Variants in SHISA9 observed in about 807,000 individuals in gnomAD.
SHISA9 encodes shisa family member 9.
Under a neutral mutation model 38.0 loss-of-function variants are expected in SHISA9, and 13 were observed. The ratio of observed to expected loss-of-function variants is 0.34; its 90% confidence interval spans 0.22 to 0.54. The LOEUF is 0.54. Among genes scored for constraint, SHISA9 ranks in the 20% least tolerant of loss-of-function variants. The probability of loss-of-function intolerance (pLI) is 0.91; values close to 1 mark genes in which losing one functional copy is unlikely to be tolerated. For synonymous variants in SHISA9, 275 were observed against 242.0 expected (o/e 1.14, Z -1.27); for missense variants, 538 against 575.8 (o/e 0.93, Z 0.67).
intron 2 of SHISA9, among the ~76,000 whole-genome samples, chr16:13,090,626 C>T (rs1255328623): frequency 6.6e-6 from 1 of 151,152 alleles, no homozygotes; most frequent in Non-Finnish European, 1.5e-5. Context: ...ATTGCAACTC[C>T]TGCTGTTTTT....
chr16:13,338,070 C>G, the SHISA9 span, among the ~76,000 whole-genome samples: 1 of 152,196 alleles, frequency 6.6e-6, no homozygotes, highest in Non-Finnish European at 1.5e-5. Context: ...AGAGGCACCA[C>G]CTTTACTCTG....
intron 3 of SHISA9, among the ~76,000 whole-genome samples, chr16:13,212,565 T>C (rs1170778707): frequency 6.6e-6 from 1 of 152,228 alleles, no homozygotes; most frequent in Non-Finnish European, 1.5e-5. Context: ...AGCAATGTAT[T>C]ACTCATTATG....
the SHISA9 span, among the ~76,000 whole-genome samples, chr16:13,494,155 C>T: frequency 6.6e-6 from 1 of 152,200 alleles, no homozygotes; most frequent in South Asian, 2.1e-4. Flanking sequence ...GCTGATGAGA[C>T]AAGAGCTAGA....
At chr16:13,481,917 A>C in the SHISA9 span, among the ~76,000 whole-genome samples, 2 of 152,254 alleles carry the variant, frequency 1.3e-5, no homozygotes, top group Non-Finnish European at 2.9e-5. Context: ...GAACTCATAC[A>C]TACTTTGATT....
At chr16:13,491,281 G>C in the SHISA9 span, among the ~76,000 whole-genome samples, 1 of 152,110 alleles carries the variant, frequency 6.6e-6, no homozygotes, top group Non-Finnish European at 1.5e-5. Flanking sequence ...TAACGAGGAT[G>C]ACGGTGCCAG....
intron 2 of SHISA9, among the ~76,000 whole-genome samples, chr16:13,001,378 C>CG (rs139285300): frequency 0.028 from 4,293 of 152,220 alleles, 210 homozygotes; most frequent in African/African-American, 0.098. Flanking sequence ...GACTAAGGAT[C>CG]GGGGGGCCTT....
the SHISA9 span, among the ~76,000 whole-genome samples, chr16:13,282,657 A>G: frequency 6.6e-6 from 1 of 151,968 alleles, no homozygotes; most frequent in Non-Finnish European, 1.5e-5. Flanking sequence ...GTCCCACAGG[A>G]TCCTAGGACT....
the SHISA9 span, among the ~76,000 whole-genome samples, chr16:13,440,379 A>G: frequency 1.3e-5 from 2 of 152,048 alleles, no homozygotes; most frequent in African/African-American, 2.4e-5. Context: ...GATTCCATCT[A>G]TTTGGTTTGC....
At chr16:13,378,653 T>C in the SHISA9 span, among the ~76,000 whole-genome samples, 1 of 152,216 alleles carries the variant, frequency 6.6e-6, no homozygotes, top group African/African-American at 2.4e-5. Context: ...TTTTCCTATC[T>C]TTCTCCTCTT....
downstream of SHISA9, among the ~76,000 whole-genome samples, chr16:13,242,333 C>T (rs115019791): frequency 8.6e-3 from 1,312 of 152,200 alleles, 19 homozygotes; most frequent in African/African-American, 0.03. Context: ...AAGGTAGATC[C>T]GAGGAGATGG....
intron 2 of SHISA9, among the ~76,000 whole-genome samples, chr16:13,059,948 A>G (rs2073355041): frequency 6.6e-6 from 1 of 152,196 alleles, no homozygotes. Context: ...CCGTGAGACA[A>G]TAGATTTCTG....
At chr16:13,205,603 G>A (rs1485896477) in intron 3 of SHISA9, among the ~76,000 whole-genome samples, 3 of 152,150 alleles carry the variant, frequency 2.0e-5, no homozygotes, top group South Asian at 4.1e-4. Context: ...GGATGCCTGT[G>A]ATGACTCATA....
In SHISA9 at chr16:13,157,628, C is replaced by G. The variant is rs142958112; in HGVS notation, c.692-45766C>G. ...CTAAAATTGCTATTGCTGATTTTCT[C>G]AGGCAGACCTGGGCAGCTAGTGGTG... On this transcript the variant is annotated intron_variant, in intron 2 of 4. Coordinates refer to ENST00000558583, the MANE Select transcript of SHISA9 (RefSeq NM_001145204.3). Among the ~76,000 whole-genome samples the G allele has an allele frequency of 5.3e-5, 8 of 152,310 alleles. No homozygotes were observed. In the East Asian group the frequency reaches 1.5e-3, roughly 29 times the overall value.
the SHISA9 span, among the ~76,000 whole-genome samples, chr16:13,460,721 G>A: frequency 2.0e-5 from 3 of 152,188 alleles, no homozygotes; most frequent in Non-Finnish European, 1.5e-5. Context: ...AGCAGCCCAA[G>A]GTTAGTGAGA....
the SHISA9 span, among the ~76,000 whole-genome samples, chr16:13,550,313 C>A: frequency 1.3e-5 from 2 of 152,170 alleles, no homozygotes; most frequent in Admixed American, 6.5e-5. Flanking sequence ...TTCAGTTTTA[C>A]TCATCCATGC....
At chr16:13,138,997 G>A (rs8051373) in intron 2 of SHISA9, among the ~76,000 whole-genome samples, 42,305 of 151,894 alleles carry the variant, frequency 0.28, 6,946 homozygotes, top group African/African-American at 0.45. Flanking sequence ...AGATGTAGCT[G>A]ATGCAACTCC....
intron 2 of SHISA9, among the ~76,000 whole-genome samples, chr16:12,985,834 C>A (rs1309798427): frequency 6.6e-6 from 1 of 152,200 alleles, no homozygotes; most frequent in African/African-American, 2.4e-5. Flanking sequence ...GATACTGGAG[C>A]TGCTTTATCT....
At chr16:12,902,873 T>G (rs2071039395) in intron 1 of SHISA9, 2 of 459,716 alleles carry the variant, frequency 4.4e-6, no homozygotes, top group South Asian at 3.7e-5. Flanking sequence ...TGTGTGACTC[T>G]GCTCCCTCAC....
the SHISA9 span, among the ~76,000 whole-genome samples, chr16:13,268,530 A>G: frequency 6.6e-6 from 1 of 151,972 alleles, no homozygotes; most frequent in Non-Finnish European, 1.5e-5. Flanking sequence ...CAAACAAACA[A>G]AAATGTCCCT....
Sources: gnomAD v4.1 joint callset for allele counts (sites outside exome capture counted in the v4.1 genomes callset) on GRCh38, gnomAD v4.1.1 for gene constraint, MANE v1.5 for transcripts, NCBI Gene and HGNC (gene_info 2026-07-23, HGNC 2026-07-21) for gene names.